Variants in ELAVL3 observed in about 807,000 individuals in gnomAD.
ELAVL3 encodes the protein ELAV-like protein 3.
A neutral mutation model predicts 34.2 loss-of-function variants in ELAVL3; 8 were observed. That is an observed-to-expected ratio of 0.23 (90% CI 0.14 to 0.42). ELAVL3 has a LOEUF of 0.42. Among genes scored for constraint, ELAVL3 ranks in the 10% least tolerant of loss-of-function variants. ELAVL3 has a pLI of 1.00. For missense variants in ELAVL3, 273 were observed against 518.8 expected (o/e 0.53, Z 4.60); for synonymous variants, 209 against 222.1 (o/e 0.94, Z 0.53).
intron 1 of ELAVL3, among the ~76,000 whole-genome samples, chr19:11,472,426 C>T (rs1568386177): frequency 6.6e-6 from 1 of 152,104 alleles, no homozygotes; most frequent in Non-Finnish European, 1.5e-5. Flanking sequence ...TTAGGCAAGG[C>T]GTGCTGGCTC....
At chr19:11,478,263 C>T (rs1039141582) in intron 1 of ELAVL3, among the ~76,000 whole-genome samples, 2 of 152,154 alleles carry the variant, frequency 1.3e-5, no homozygotes, top group Non-Finnish European at 2.9e-5. Flanking sequence ...CTGGGTGGTT[C>T]AGACCCAGGT....
rs370390792 is a variant in ELAVL3 at position 11,458,554 on chromosome 19, C to T, written c.391G>A (p.Gly131Arg). 6 of 1,613,940 alleles carry T rather than the reference C, an allele frequency of 3.7e-6. No individual in the cohort carries two copies. Among genetic ancestry groups the T allele is most frequent in the East Asian group, 4.5e-5 (2 of 44,890 alleles). The change falls in exon 4 of 7, where the codon GGG becomes AGG. Residue 131 changes from glycine to arginine, a missense_variant. By Grantham distance (125) the Gly-to-Arg change is moderately radical. Around this residue, in one of 4 missense-constraint regions of ELAVL3, gnomAD observed 102 missense variants for 250.1 expected, o/e 0.41. Transcript: ENST00000359227. The surrounding 1 kb of genome is among the most constrained non-coding windows in gnomAD (Gnocchi z 7.3). ...SIRDANLYVS[G>R]LPKTMSQKEM... The stretch of plus-strand genomic sequence containing the variant: ...TTCTGGCTCATGGTCTTGGGGAGCC[C>T]GCTGACGTACAGGTTAGCATCCCGG...
chr19:11,460,341 G>T lies in ELAVL3; in HGVS notation c.334-1730C>A, dbSNP rs529256295. ...AGCAGCCTCCACCCTGGCCCCCCCT[G>T]CTCCCATCCCCCACTGTCTGTCCCC... On this transcript the variant is annotated intron_variant, in intron 3 of 6. Transcript: ENST00000359227. 1.2e-4 allele frequency among the ~76,000 whole-genome samples: 11 copies of T among 92,870 alleles called. No individual in the cohort carries two copies. In the South Asian group the frequency reaches 3.2e-3, roughly 27 times the overall value. 60.9% of individuals were successfully genotyped at this position (92,870 alleles called of 152,430 possible). A position where few individuals can be genotyped will look rare whatever the true frequency, so the allele number is the denominator to read the frequency against.
chr19:11,454,638 G>A lies in ELAVL3; in HGVS notation c.992C>T (p.Thr331Ile). The A allele has an allele frequency of 6.2e-7, 1 of 1,614,238 alleles. No individual in the cohort carries two copies. The highest frequency in any genetic ancestry group is 8.5e-7 in the Non-Finnish European group (1 of 1,180,032). ...GGCCGCCTCGTCATAGTTGGTCATGGTCACGAAGCCGAAACCCTTGCACTT... is the reference window on the plus strand; with the variant it reads ...GGCCGCCTCGTCATAGTTGGTCATGATCACGAAGCCGAAACCCTTGCACTT... ...TNKCKGFGFV[T>I]MTNYDEAAMA... is the part of the protein sequence containing the mutation. Residue 331 changes from threonine (T) to isoleucine (I), a missense_variant, in exon 7 of 7, where the codon ACC becomes ATC. By Grantham distance (89) the Thr-to-Ile change is moderately conservative. Transcript: ENST00000359227. The surrounding 1 kb of genome is among the most constrained non-coding windows in gnomAD (Gnocchi z 9.2).
In ELAVL3 at chr19:11,462,174, C is replaced by CAAAAAA. The variant is rs775716481; in HGVS notation, c.334-3569_334-3564dup. Among the ~76,000 whole-genome samples the CAAAAAA allele has an allele frequency of 1.7e-3, 123 of 73,708 alleles. 1 individual carries two copies. Among genetic ancestry groups the CAAAAAA allele is most frequent in the African/African-American group, 5.4e-3 (117 of 21,772 alleles). The allele number at this position is 73,708 out of a possible 152,430, so 48.4% of individuals were successfully genotyped here. On this transcript the variant is annotated intron_variant, in intron 3 of 6. Transcript: ENST00000359227. ...TGGGCAACAGAGCGAGACTCCGTCTCAAAAAAAAAAAAAAAAAAGAAATAA... is the reference window on the plus strand; with the variant it reads ...TGGGCAACAGAGCGAGACTCCGTCTCAAAAAAAAAAAAAAAAAAAAAAAAGAAATAA...
chr19:11,464,283 C>A (rs1970964606), intron 3 of ELAVL3, among the ~76,000 whole-genome samples: 1 of 151,230 alleles, frequency 6.6e-6, no homozygotes, highest in Non-Finnish European at 1.5e-5. Flanking sequence ...CACTCAGCCT[C>A]CCAAGTAGTT....
chr19:11,470,994 C>T (rs1437409433), intron 1 of ELAVL3, among the ~76,000 whole-genome samples: 2 of 152,218 alleles, frequency 1.3e-5, no homozygotes, highest in Admixed American at 6.5e-5. Flanking sequence ...TACAGGTGGG[C>T]GCCACCATGC....
Position 11,466,782 on chromosome 19 carries a change from C to A in ELAVL3, c.55G>T (p.Gly19Cys), listed in dbSNP as rs1364883553. 3.7e-6 allele frequency: 6 copies of A among 1,613,274 alleles called. No individual in the cohort carries two copies. Among genetic ancestry groups the A allele is most frequent in the Non-Finnish European group, 5.1e-6 (6 of 1,179,616 alleles). The change falls in exon 2 of 7, where the codon GGC (glycine) becomes TGC (cysteine). Residue 19 changes from glycine (G) to cysteine (C), a missense_variant. Gly to Cys is a radical substitution (Grantham distance 159). Transcript: ENST00000359227. This position sits in a 1 kb window ranked among gnomAD's most constrained non-coding sequence, Gnocchi z 5.0. Reference protein sequence around the residue: ...MESQVGGGPAGPALPNGPLLG... With the variant: ...MESQVGGGPACPALPNGPLLG... ...AGTGGCCCGTTGGGCAGGGCCGGGC[C>A]GGCCGGGCCCCCCCCCACCTGAGAC...
chr19:11,459,826 A>G (rs1435194268), intron 3 of ELAVL3, among the ~76,000 whole-genome samples: 1 of 152,018 alleles, frequency 6.6e-6, no homozygotes, highest in Non-Finnish European at 1.5e-5. Context: ...GACTCAAGCC[A>G]TCCTCCCACC....
chr19:11,468,478 G>A (rs1012574738), intron 1 of ELAVL3, among the ~76,000 whole-genome samples: 3 of 149,640 alleles, frequency 2.0e-5, no homozygotes, highest in Non-Finnish European at 4.4e-5. Context: ...GCAATGGCAC[G>A]ATCTTGGCTC....
At chr19:11,464,473 G>A (rs1014061513) in intron 3 of ELAVL3, among the ~76,000 whole-genome samples, 5 of 151,696 alleles carry the variant, frequency 3.3e-5, no homozygotes, top group Admixed American at 2.0e-4. Context: ...ACAGCCACTC[G>A]CACACTGTGT....
rs370492835 is a variant in ELAVL3, at chr19:11,451,535, A to G, written c.*2991T>C. The stretch of plus-strand genomic sequence containing the variant: ...TTTTTTACAGTTTTTTATCACCTCC[A>G]ACATGGACTCTGTCGTGATTTGAAA... On this transcript the variant is annotated 3_prime_UTR_variant, in exon 7 of 7. Transcript: ENST00000359227. 1.6e-5 allele frequency: 2 copies of G among 126,324 alleles called. No individual in the cohort carries two copies. Among genetic ancestry groups the G allele is most frequent in the East Asian group, 4.4e-4 (2 of 4,500 alleles). 7.8% of individuals were successfully genotyped at this position (126,324 alleles called of 1,614,324 possible).
intron 1 of ELAVL3, among the ~76,000 whole-genome samples, chr19:11,474,986 G>A (rs1240042935): frequency 2.6e-5 from 4 of 152,074 alleles, no homozygotes; most frequent in East Asian, 3.8e-4. Flanking sequence ...CCACCACCAC[G>A]CCTGGCTAAT....
chr19:11,456,976 T>C (rs1970781085), intron 6 of ELAVL3, 134 bp downstream of exon 6: 1 of 786,088 alleles, frequency 1.3e-6, no homozygotes, highest in Non-Finnish European at 1.9e-6. Flanking sequence ...TGATGTCACA[T>C]CTCTCAATGG....
chr19:11,467,546 C>T (rs1384988438), intron 1 of ELAVL3, among the ~76,000 whole-genome samples: 1 of 151,562 alleles, frequency 6.6e-6, no homozygotes, highest in South Asian at 2.1e-4. Flanking sequence ...TGCAGTGGTG[C>T]GATCTCGGCT....
intron 1 of ELAVL3, among the ~76,000 whole-genome samples, chr19:11,477,851 GCTAA>G (rs1971291635): frequency 6.6e-6 from 1 of 151,952 alleles, no homozygotes; most frequent in South Asian, 2.1e-4. Context: ...ATCGCGCCCC[GCTAA>G]CTTTTTATAT....
intron 5 of ELAVL3, 61 bp from the exon 6 acceptor site, chr19:11,457,209 C>T (rs1452364334): frequency 1.0e-5 from 15 of 1,497,070 alleles, no homozygotes; most frequent in Non-Finnish European, 1.3e-5. Flanking sequence ...GCTGTGACAC[C>T]GTCGGCCTGC....
At position 11,458,332 on chromosome 19, in the gene ELAVL3, T is replaced by A; in HGVS notation, c.488-46A>T. 2.5e-6 allele frequency: 4 copies of A among 1,608,364 alleles called. No homozygotes were observed. The highest frequency in any genetic ancestry group is 1.7e-6 in the Non-Finnish European group (2 of 1,176,676). ...CCATCACGACGACCCTGTCCCCTCC[T>A]GTGTAACCCCACTTCTCCCTTCCCT... On this transcript the variant is annotated intron_variant, in intron 4 of 6. Transcript: ENST00000359227. This position sits in a 1 kb window ranked among gnomAD's most constrained non-coding sequence, Gnocchi z 7.3.
At position 11,480,512 on chromosome 19, in the gene ELAVL3, C is replaced by T. The variant is rs1268686004; in HGVS notation, c.9+88G>A. On this transcript the variant is annotated intron_variant, in intron 1 of 6. Transcript: ENST00000359227. The surrounding 1 kb of genome is among the most constrained non-coding windows in gnomAD (Gnocchi z 6.8). ...GGGCCTAGCTAGGCCTGGTCCTACC[C>T]CCCCCGCCGCACCCGCCCAATCTCC... 3 of 1,401,394 alleles carry T rather than the reference C, an allele frequency of 2.1e-6. No individual in the cohort carries two copies. Among genetic ancestry groups the T allele is most frequent in the East Asian group, 5.7e-5 (2 of 35,036 alleles). The allele number at this position is 1,401,394 out of a possible 1,614,324, so 86.8% of individuals were successfully genotyped here.
Sources: gnomAD v4.1 joint callset for allele counts (sites outside exome capture counted in the v4.1 genomes callset) on GRCh38, gnomAD v4.1.1 for gene constraint, gnomAD v4.1.1 regional missense constraint, Gnocchi (gnomAD v3.1) non-coding constraint, MANE v1.5 for transcripts, NCBI Gene and HGNC (gene_info 2026-07-23, HGNC 2026-07-21) for gene names.